NME9: variants seen among roughly 807,000 people sequenced by gnomAD.
NME9 encodes thioredoxin domain-containing protein 6.
NME9 carries 48 observed loss-of-function variants against 44.4 expected under a neutral mutation model. The ratio of observed to expected loss-of-function variants is 1.08; its 90% confidence interval spans 0.86 to 1.37. The LOEUF is 1.37. Ranked by LOEUF, NME9 falls within the 40% of genes most tolerant of loss-of-function variation. NME9 has a pLI of 0.00. For synonymous variants in NME9, 139 were observed against 147.1 expected (o/e 0.94, Z 0.40); for missense variants, 325 against 405.2 (o/e 0.80, Z 1.70).
At chr3:138,293,915 T>C (rs1443997975) in intron 8 of NME9, among the ~76,000 whole-genome samples, 2 of 152,228 alleles carry the variant, frequency 1.3e-5, no homozygotes, top group East Asian at 1.9e-4. Flanking sequence ...TTTTTAGCTC[T>C]TCTTAAACGT....
At chr3:138,289,773 T>A (rs1454522114) in intron 8 of NME9, among the ~76,000 whole-genome samples, 3 of 152,136 alleles carry the variant, frequency 2.0e-5, no homozygotes, top group Admixed American at 6.5e-5. Flanking sequence ...AAGGCTGGGT[T>A]GGCTGCATTA....
chr3:138,299,190 G>A (rs970428714), downstream of NME9, among the ~76,000 whole-genome samples: 1 of 152,116 alleles, frequency 6.6e-6, no homozygotes, highest in Non-Finnish European at 1.5e-5. Context: ...CATGAGAGAA[G>A]GTCCAGGATC....
At chr3:138,286,605 G>C (rs1168582524) in intron 8 of NME9, among the ~76,000 whole-genome samples, 5 of 152,108 alleles carry the variant, frequency 3.3e-5, no homozygotes, top group Admixed American at 2.0e-4. Flanking sequence ...CTCGTAGGGA[G>C]CTTTCAAAGA....
chr3:138,265,243 T>C (rs1270145317), intron 8 of NME9, among the ~76,000 whole-genome samples: 5 of 152,052 alleles, frequency 3.3e-5, no homozygotes, highest in Non-Finnish European at 5.9e-5. Flanking sequence ...GGTCTTCTCT[T>C]CAGGCCCCTT....
intron 8 of NME9, among the ~76,000 whole-genome samples, chr3:138,277,274 A>T (rs890680251): frequency 2.0e-5 from 3 of 152,246 alleles, no homozygotes; most frequent in Non-Finnish European, 4.4e-5. Flanking sequence ...ACTGATAGAC[A>T]TAACATAAAA....
At chr3:138,324,700 ACACACAC>A in intron 2 of NME9, 166 bp downstream of exon 2, 1 of 72,566 alleles carries the variant, frequency 1.4e-5, no homozygotes, top group Non-Finnish European at 3.2e-5. Flanking sequence ...AGATACACAC[ACACACAC>A]ACACACACAC....
intron 10 of NME9, 139 bp from the exon 11 acceptor site, chr3:138,301,843 G>T (rs2051871287): frequency 1.6e-6 from 1 of 629,760 alleles, no homozygotes; most frequent in Non-Finnish European, 2.8e-6. Context: ...TACGTGTTAG[G>T]GACCAGGAAT....
intron 2 of NME9, among the ~76,000 whole-genome samples, chr3:138,321,676 T>C (rs79376001): frequency 4.0e-4 from 61 of 152,142 alleles, no homozygotes; most frequent in African/African-American, 1.4e-3. Context: ...TGTAGCACAA[T>C]TTTGCAGAAT....
Position 138,329,816 on chromosome 3 carries a change from C to T in NME9, c.-481G>A. On this transcript the variant is annotated 5_prime_UTR_variant, in exon 1 of 11. Coordinates refer to ENST00000333911, the MANE Select transcript of NME9 (RefSeq NM_001349018.2). ...TCTTCGACGCGCCCGGAGTCACCAACCGAGTCTGCCGCGACCTAGCCGCGG... is the reference window on the plus strand; with the variant it reads ...TCTTCGACGCGCCCGGAGTCACCAATCGAGTCTGCCGCGACCTAGCCGCGG... The T allele has an allele frequency of 2.0e-6, 2 of 986,546 alleles. No homozygotes were observed. Among genetic ancestry groups the T allele is most frequent in the Non-Finnish European group, 2.4e-6 (2 of 830,700 alleles). The allele number at this position is 986,546 out of a possible 1,614,324, so 61.1% of individuals were successfully genotyped here.
intron 6 of NME9, among the ~76,000 whole-genome samples, chr3:138,313,370 C>T (rs553372780): frequency 7.9e-5 from 12 of 151,850 alleles, no homozygotes; most frequent in Admixed American, 2.6e-4. Context: ...CCAACCTGGG[C>T]GACAGAGGGA....
rs577446531 is a variant in NME9, at chr3:138,319,669, C to A, written c.92-88G>T. ...TTTATACCTGTACATTCTAACCCCC[C>A]TCAAATGGACATTCATTTGCCGGGA... On this transcript the variant is annotated intron_variant, in intron 2 of 10. Transcript: ENST00000333911. 3.8e-5 allele frequency: 27 copies of A among 702,592 alleles called. No individual in the cohort carries two copies. In the African/African-American group the frequency reaches 4.6e-4, roughly 12 times the overall value. The allele number at this position is 702,592 out of a possible 1,614,324, so 43.5% of individuals were successfully genotyped here. A position where few individuals can be genotyped will look rare whatever the true frequency, so the allele number is the denominator to read the frequency against.
intron 10 of NME9, 78 bp downstream of exon 10, chr3:138,303,429 C>A: frequency 8.6e-7 from 1 of 1,165,818 alleles, no homozygotes. Flanking sequence ...TTATCAATCC[C>A]CCACACACTC....
intron 8 of NME9, 24 bp from the exon 9 acceptor site, chr3:138,305,051 T>C (rs1360540947): frequency 1.2e-6 from 2 of 1,610,910 alleles, no homozygotes; most frequent in Admixed American, 1.7e-5. Flanking sequence ...GGGAAAACAG[T>C]GACCAGGGCA....
In NME9 at chr3:138,301,209, T is replaced by A; in HGVS notation, c.*431A>T. On this transcript the variant is annotated 3_prime_UTR_variant, in exon 11 of 11. Transcript: ENST00000333911. ...CTATTCTCTTTCTTTACTTTTTTTT[T>A]TATTATTATTATTAAGATGGAGTCT... 2.8e-6 allele frequency: 2 copies of A among 722,078 alleles called. No homozygotes were observed. The highest frequency in any genetic ancestry group is 3.4e-6 in the Non-Finnish European group (2 of 590,030). 44.7% of individuals were successfully genotyped at this position (722,078 alleles called of 1,614,324 possible).
Position 138,324,890 on chromosome 3 carries a change from C to T in NME9, c.74G>A (p.Ser25Asn). 6.2e-7 allele frequency: 1 copy of T among 1,613,352 alleles called. No individual in the cohort carries two copies. The highest frequency in any genetic ancestry group is 8.5e-7 in the Non-Finnish European group (1 of 1,179,302). Residue 25 changes from serine to asparagine, a missense_variant, in exon 2 of 11, where the codon AGT becomes AAT. By Grantham distance (46) the Ser-to-Asn change is conservative (BLOSUM62 1). Coordinates refer to ENST00000333911, the MANE Select transcript of NME9 (RefSeq NM_001349018.2). ...TGAATTACCAGTTAGTCCTTTGGAA[C>T]TGAGCATTTCCTCCCAAAGCTCTTG... ...STQELWEEML[S>N]SKGLTVVDVY...
At chr3:138,319,907 T>C (rs1226121377) in intron 2 of NME9, among the ~76,000 whole-genome samples, 1 of 152,194 alleles carries the variant, frequency 6.6e-6, no homozygotes, top group African/African-American at 2.4e-5. Flanking sequence ...TCAATTATAT[T>C]GGAATTAGAC....
intron 8 of NME9, among the ~76,000 whole-genome samples, chr3:138,279,054 A>C (rs149531301): frequency 6.6e-6 from 1 of 152,216 alleles, no homozygotes; most frequent in Non-Finnish European, 1.5e-5. Flanking sequence ...TAGAACTTGC[A>C]GTGTAATGAG....
intron 8 of NME9, among the ~76,000 whole-genome samples, chr3:138,291,985 G>A (rs1321815558): frequency 1.3e-5 from 2 of 152,050 alleles, no homozygotes; most frequent in Non-Finnish European, 2.9e-5. Context: ...TTAAGGAGAG[G>A]AGACATTATC....
chr3:138,262,553 G>C (rs775022230), exon 9 of NME9: 1 of 1,611,750 alleles, frequency 6.2e-7, no homozygotes. Flanking sequence ...GTCTAGGTCA[G>C]TGATCTTCAA....
Sources: gnomAD v4.1 joint callset for allele counts (sites outside exome capture counted in the v4.1 genomes callset) on GRCh38, gnomAD v4.1.1 for gene constraint, MANE v1.5 for transcripts, NCBI Gene and HGNC (gene_info 2026-07-23, HGNC 2026-07-21) for gene names.